The following ZNF774 variants were observed in gnomAD, a reference collection of about 807,000 sequenced individuals.
ZNF774 encodes zinc finger protein 774.
ZNF774 carries 14 observed loss-of-function variants against 11.1 expected under a neutral mutation model. The ratio of observed to expected loss-of-function variants is 1.26; its 90% confidence interval spans 0.83 to 1.97. The LOEUF is 1.97. Among genes scored for constraint, ZNF774 ranks in the 30% most tolerant of loss-of-function variants. ZNF774 has a pLI of 0.00. For missense variants in ZNF774, 599 were observed against 587.0 expected, an observed-to-expected ratio of 1.02 and a Z score of -0.21; for synonymous variants, 195 against 212.6, an observed-to-expected ratio of 0.92 and a Z score of 0.72.
chr15:90,360,408 G>C lies in ZNF774; in HGVS notation c.577G>C (p.Asp193His). ...ECGKGFKQSS[D>H]LVTHRRTHTG... ...TGGGAAAGGCTTCAAACAGAGCTCAGACCTTGTCACCCATCGCAGAACACA... is the reference window on the plus strand; with the variant it reads ...TGGGAAAGGCTTCAAACAGAGCTCACACCTTGTCACCCATCGCAGAACACA... Residue 193 changes from aspartate to histidine, a missense_variant, in exon 4 of 4, where the codon GAC (aspartate) becomes CAC (histidine). Asp to His is a moderately conservative substitution (Grantham distance 81, BLOSUM62 -1). Transcript: ENST00000354377. 6.2e-7 allele frequency: 1 copy of C among 1,613,188 alleles called. No homozygotes were observed. The highest frequency in any genetic ancestry group is 8.5e-7 in the Non-Finnish European group (1 of 1,179,890).
Position 90,354,763 on chromosome 15 carries a change from G to A in ZNF774, c.103G>A (p.Gly35Arg). Reference protein sequence around the residue: ...PAQLEEWALKGISRPSVISQP... With the variant: ...PAQLEEWALKRISRPSVISQP... ...ACAGTTAGAAGAATGGGCTCTCAAAGGGTAAGAATGCTACTCTCCTTTATT... is the reference window on the plus strand; with the variant it reads ...ACAGTTAGAAGAATGGGCTCTCAAAAGGTAAGAATGCTACTCTCCTTTATT... The change falls in exon 2 of 4, where the codon GGA (glycine) becomes AGA (arginine). Residue 35 changes from glycine (G) to arginine (R), a missense_variant and splice_region_variant. Coordinates refer to ENST00000354377, the MANE Select transcript of ZNF774 (RefSeq NM_001004309.3). 1 of 1,604,812 alleles carries A rather than the reference G, an allele frequency of 6.2e-7. No individual in the cohort carries two copies. Among genetic ancestry groups the A allele is most frequent in the Non-Finnish European group, 8.5e-7 (1 of 1,173,228 alleles).
At position 90,361,257 on chromosome 15, in the gene ZNF774, T is replaced by C; in HGVS notation, c.1426T>C (p.Cys476Arg). The stretch of plus-strand genomic sequence containing the variant: ...CTTCCGTCAGAAAGCGCATCTTTTA[T>C]GCCATCAAAACACCCATTTGATTTA... Reference protein sequence around the residue: ...KSFRQKAHLLCHQNTHLI With the variant: ...KSFRQKAHLLRHQNTHLI The change falls in exon 4 of 4, where the codon TGC becomes CGC. Residue 476 changes from cysteine (C) to arginine (R), a missense_variant. Transcript: ENST00000354377. The C allele has an allele frequency of 6.2e-7, 1 of 1,607,630 alleles. No individual in the cohort carries two copies. Among genetic ancestry groups the C allele is most frequent in the African/African-American group, 1.3e-5 (1 of 74,684 alleles).
chr15:90,357,384 G>T (rs559526393), intron 2 of ZNF774, among the ~76,000 whole-genome samples: 1 of 152,146 alleles, frequency 6.6e-6, no homozygotes, highest in African/African-American at 2.4e-5. Flanking sequence ...TGTGCCTCTG[G>T]TCCCAGCTAC....
chr15:90,355,964 C>T (rs1205668000), intron 2 of ZNF774, among the ~76,000 whole-genome samples: 1 of 142,522 alleles, frequency 7.0e-6, no homozygotes, highest in Admixed American at 7.1e-5. Flanking sequence ...GGAGGCGGAG[C>T]TTGCAGTGAG....
chr15:90,358,178 G>C (rs190891977), intron 2 of ZNF774, among the ~76,000 whole-genome samples: 5 of 152,146 alleles, frequency 3.3e-5, no homozygotes, highest in Admixed American at 3.3e-4. Flanking sequence ...GAGCCACTGA[G>C]CCTGGCCTCT....
chr15:90,352,871 G>A (rs1286749820), intron 1 of ZNF774, among the ~76,000 whole-genome samples: 1 of 152,118 alleles, frequency 6.6e-6, no homozygotes, highest in Non-Finnish European at 1.5e-5. Context: ...TTCTATAACC[G>A]TGGCTAAGAC....
chr15:90,360,191 A>G lies in ZNF774; in HGVS notation c.360A>G (p.Gln120=). 6.2e-7 allele frequency: 1 copy of G among 1,614,216 alleles called. No individual in the cohort carries two copies. The highest frequency in any genetic ancestry group is 8.5e-7 in the Non-Finnish European group (1 of 1,180,042). The change falls in exon 4 of 4, where the codon CAA becomes CAG. Residue 120 remains glutamine, a synonymous_variant. Transcript: ENST00000354377. ...NWEQGLELEG[Q]HGTLPGEGQL... ...AGCAAGGCCTAGAATTAGAAGGGCA[A>G]CATGGAACCCTTCCAGGAGAGGGCC...
At chr15:90,354,863 C>T (rs2151680828) in intron 2 of ZNF774, 99 bp downstream of exon 2, 2 of 948,146 alleles carry the variant, frequency 2.1e-6, no homozygotes, top group Admixed American at 2.1e-5. Flanking sequence ...GGCGCGATCT[C>T]GATTCACTGC....
chr15:90,355,451 G>T (rs953765562), intron 2 of ZNF774: 4 of 455,896 alleles, frequency 8.8e-6, no homozygotes, highest in African/African-American at 2.0e-5. Flanking sequence ...CAGGCTGGGG[G>T]CAGTGGCTCA....
rs1269272047 is a variant in ZNF774, at chr15:90,362,623, C to T, written c.*1340C>T. The T allele has an allele frequency of 4.6e-6, 7 of 1,511,654 alleles. No homozygotes were observed. The East Asian group carries it at 1.5e-4, about 32-fold the overall frequency. The allele number at this position is 1,511,654 out of a possible 1,614,324, so 93.6% of individuals were successfully genotyped here. On this transcript the variant is annotated 3_prime_UTR_variant, in exon 4 of 4. Transcript: ENST00000354377. ...GGGACGGCAAGTGTGTTGGAAAGAA[C>T]ACCGACTTCATTGAGAAGGTAAAGT... is the stretch of plus-strand genomic sequence containing the variant.
chr15:90,354,318 C>T (rs1282343440), intron 1 of ZNF774, among the ~76,000 whole-genome samples: 3 of 152,234 alleles, frequency 2.0e-5, no homozygotes, highest in East Asian at 3.8e-4. Flanking sequence ...AATCAAATTA[C>T]ACCTGCCAAC....
Position 90,358,865 on chromosome 15 carries a change from G to T in ZNF774, c.119G>T (p.Ser40Ile). The change falls in exon 3 of 4, where the codon AGT becomes ATT. Residue 40 changes from serine (S) to isoleucine (I), a missense_variant. Coordinates refer to ENST00000354377, the MANE Select transcript of ZNF774 (RefSeq NM_001004309.3). Reference protein sequence around the residue: ...EWALKGISRPSVISQPEQKEE... With the variant: ...EWALKGISRPIVISQPEQKEE... ...TTCCTGTGTAGAATTTCCAGGCCTA[G>T]TGTAATCTCCCAGCCGGAGCAGAAA... 1 of 1,613,024 alleles carries T rather than the reference G, an allele frequency of 6.2e-7. No individual in the cohort carries two copies. Among genetic ancestry groups the T allele is most frequent in the Non-Finnish European group, 8.5e-7 (1 of 1,179,338 alleles).
rs539835875 is a variant in ZNF774, at chr15:90,359,229, C to T, written c.211+272C>T. On this transcript the variant is annotated intron_variant, in intron 3 of 3. Transcript: ENST00000354377. ...CTGGGACTACAGGCGCCCGCCACCG[C>T]GCCCGGCTAATTTTTTGTATTTTTA... is the stretch of plus-strand genomic sequence containing the variant. Among the ~76,000 whole-genome samples, 395 of 150,834 alleles carry T rather than the reference C, an allele frequency of 2.6e-3. 1 individual carries two copies. Among genetic ancestry groups the T allele is most frequent in the African/African-American group, 7.7e-3 (317 of 41,126 alleles).
intron 3 of ZNF774, among the ~76,000 whole-genome samples, 155 bp downstream of exon 3, chr15:90,359,112 C>CCGGACTG (rs1964288605): frequency 1.4e-5 from 2 of 145,982 alleles, no homozygotes. Flanking sequence ...GTCGCCCAGG[C>CCGGACTG]CGGACTGCGG....
At chr15:90,353,146 T>A (rs1964197110) in intron 1 of ZNF774, among the ~76,000 whole-genome samples, 1 of 152,022 alleles carries the variant, frequency 6.6e-6, no homozygotes, top group African/African-American at 2.4e-5. Flanking sequence ...TTTGTATTCT[T>A]AGTAGAGACA....
At position 90,361,236 on chromosome 15, in the gene ZNF774, C is replaced by T. The variant is rs139475252; in HGVS notation, c.1405C>T (p.Arg469Cys). ...FHCSKCNKSFRQKAHLLCHQN... is the reference protein window; with the variant it reads ...FHCSKCNKSFCQKAHLLCHQN... ...CTGTAGTAAATGTAACAAGAGCTTC[C>T]GTCAGAAAGCGCATCTTTTATGCCA... Residue 469 changes from arginine to cysteine, a missense_variant, in exon 4 of 4, where the codon CGT becomes TGT. By Grantham distance (180) the Arg-to-Cys change is radical. Transcript: ENST00000354377. 6.5e-4 allele frequency: 1,053 copies of T among 1,611,048 alleles called. 4 individuals carry two copies. The Middle Eastern group carries it at 9.6e-3, about 15-fold the overall frequency.
At chr15:90,356,183 A>T (rs1257312858) in intron 2 of ZNF774, among the ~76,000 whole-genome samples, 1 of 143,680 alleles carries the variant, frequency 7.0e-6, no homozygotes, top group Non-Finnish European at 1.5e-5. Context: ...CCATGGCATG[A>T]TCTCGGCTCA....
chr15:90,360,698 GC>G lies in ZNF774; in HGVS notation c.869del (p.Pro290LeufsTer17). On this transcript the variant is annotated frameshift_variant, in exon 4 of 4. Transcript: ENST00000354377. LOFTEE classifies it low-confidence loss of function (END_TRUNC). ...THQRTHTGVKPYRCNDCGESF... is the reference protein window; with the variant it reads ...THQRTHTGVKXYRCNDCGESF... ...ACCAGAGGACCCACACAGGGGTGAA[GC>G]CTTACAGGTGTAATGACTGTGGGGA... 1 of 1,614,230 alleles carries G rather than the reference GC, an allele frequency of 6.2e-7. No homozygotes were observed. The highest frequency in any genetic ancestry group is 8.5e-7 in the Non-Finnish European group (1 of 1,180,052).
At chr15:90,357,210 A>G (rs968175009) in intron 2 of ZNF774, among the ~76,000 whole-genome samples, 1 of 152,064 alleles carries the variant, frequency 6.6e-6, no homozygotes, top group Non-Finnish European at 1.5e-5. Flanking sequence ...GGGTATTATA[A>G]TTTAAAGAGT....
Sources: allele counts gnomAD v4.1 joint callset (sites outside exome capture counted in the v4.1 genomes callset), GRCh38; gene constraint gnomAD v4.1.1; transcripts MANE v1.5; gene names NCBI Gene and HGNC (gene_info 2026-07-23, HGNC 2026-07-21).